The following PTPN22 variants were observed in gnomAD, a reference collection of about 807,000 sequenced individuals.
PTPN22 encodes the protein protein tyrosine phosphatase non-receptor type 22, also known as tyrosine-protein phosphatase non-receptor type 22.
PTPN22 carries 85 observed loss-of-function variants against 103.3 expected under a neutral mutation model. That is an observed-to-expected ratio of 0.82 (90% confidence interval 0.69 to 0.99). The LOEUF (loss-of-function observed/expected upper bound fraction) is 0.99. PTPN22 is among the 50% of genes least tolerant of loss of function. PTPN22 has a pLI of 0.00. For missense variants in PTPN22, 865 were observed against 936.9 expected (o/e 0.92, Z 1.00); for synonymous variants, 323 against 310.2 (o/e 1.04, Z -0.43).
chr1:113,860,370 C>T (rs540760030), intron 1 of PTPN22, among the ~76,000 whole-genome samples: 92 of 152,272 alleles, frequency 6.0e-4, no homozygotes, highest in Admixed American at 5.9e-3. Context: ...GTAAAAACAA[C>T]ATAGTGTACG....
At position 113,857,721 on chromosome 1, in the gene PTPN22, A is replaced by G. The variant is rs1665201778; in HGVS notation, c.408+17T>C. 6.2e-7 allele frequency: 1 copy of G among 1,607,508 alleles called. No individual in the cohort carries two copies. Among genetic ancestry groups the G allele is most frequent in the Non-Finnish European group, 8.5e-7 (1 of 1,174,900 alleles). ...TTCCTTTGTTTTAAGGTCAGCAGGT[A>G]CTAGAAAGTAACTTACCTTTCCCAT... On this transcript the variant is annotated intron_variant, in intron 5 of 20. Coordinates refer to ENST00000359785, the Ensembl canonical transcript of PTPN22.
intron 1 of PTPN22, among the ~76,000 whole-genome samples, chr1:113,860,776 G>C (rs1488421873): frequency 6.6e-6 from 1 of 152,180 alleles, no homozygotes; most frequent in Non-Finnish European, 1.5e-5. Context: ...TCAAGTCCCA[G>C]AACAGTTTCT....
At chr1:113,856,865 G>C in intron 5 of PTPN22, 1 of 470,020 alleles carries the variant, frequency 2.1e-6, no homozygotes. Context: ...CCTATTTTTA[G>C]TATTTCACAA....
intron 10 of PTPN22, among the ~76,000 whole-genome samples, chr1:113,849,760 T>A (rs1424241377): frequency 6.6e-6 from 1 of 152,044 alleles, no homozygotes; most frequent in Non-Finnish European, 1.5e-5. Flanking sequence ...TGATAATTTT[T>A]GTATTTTTTG....
chr1:113,840,143 G>A (rs12095396), intron 11 of PTPN22, among the ~76,000 whole-genome samples: 5 of 151,424 alleles, frequency 3.3e-5, no homozygotes, highest in East Asian at 1.9e-4. Flanking sequence ...CCCAGGAGGC[G>A]GAGGTTGAAG....
At chr1:113,832,935 G>T in intron 16 of PTPN22, 176 bp downstream of exon 16, 1 of 585,672 alleles carries the variant, frequency 1.7e-6, no homozygotes, top group South Asian at 1.8e-5. Context: ...CTAAAATCCT[G>T]TCTTCACCTT....
intron 18 of PTPN22, among the ~76,000 whole-genome samples, chr1:113,825,943 G>A (rs1338273900): frequency 6.6e-6 from 1 of 152,064 alleles, no homozygotes; most frequent in Non-Finnish European, 1.5e-5. Context: ...TCAAACTCCT[G>A]ACCTTGTGAC....
chr1:113,847,390 G>A (rs1374484594), intron 11 of PTPN22, among the ~76,000 whole-genome samples: 2 of 130,596 alleles, frequency 1.5e-5, no homozygotes. Flanking sequence ...TTTTTATCTT[G>A]GCTGCTTTAA....
chr1:113,847,720 A>G (rs1410474828), intron 11 of PTPN22, among the ~76,000 whole-genome samples: 1 of 151,824 alleles, frequency 6.6e-6, no homozygotes, highest in Non-Finnish European at 1.5e-5. Flanking sequence ...CTGGGATTAC[A>G]GGTGCGCATC....
chr1:113,834,015 C>G (rs1196308210), intron 15 of PTPN22, among the ~76,000 whole-genome samples: 3 of 152,188 alleles, frequency 2.0e-5, no homozygotes, highest in Non-Finnish European at 4.4e-5. Context: ...GGAGGCATCT[C>G]CTACACTTGA....
chr1:113,849,621 C>T (rs986570436), intron 10 of PTPN22, among the ~76,000 whole-genome samples: 2 of 150,122 alleles, frequency 1.3e-5, no homozygotes, highest in Non-Finnish European at 2.9e-5. Context: ...ACGGTCTCAC[C>T]GTGTTGCCCA....
chr1:113,837,462 GAAAA>G, intron 13 of PTPN22, 124 bp downstream of exon 13: 3 of 683,460 alleles, frequency 4.4e-6, no homozygotes, highest in Non-Finnish European at 4.6e-6. Flanking sequence ...AAAAAAAAAA[GAAAA>G]AAAAGAGAAA....
chr1:113,844,765 A>C (rs191903367), intron 11 of PTPN22, among the ~76,000 whole-genome samples: 15 of 152,128 alleles, frequency 9.9e-5, no homozygotes, highest in African/African-American at 3.6e-4. Context: ...TTGATTTCCA[A>C]GGATTTGGAT....
intron 1 of PTPN22, among the ~76,000 whole-genome samples, chr1:113,868,408 G>A (rs1666297633): frequency 6.6e-6 from 1 of 152,200 alleles, no homozygotes; most frequent in African/African-American, 2.4e-5. Context: ...AAGGGCTTAA[G>A]ATGGGACACA....
At chr1:113,846,992 A>ATTTTTTTTT (rs778146828) in intron 11 of PTPN22, among the ~76,000 whole-genome samples, 8 of 76,114 alleles carry the variant, frequency 1.1e-4, no homozygotes, top group Admixed American at 1.5e-4. Context: ...CCAATGCTAG[A>ATTTTTTTTT]TTTTTTTTTT....
At chr1:113,823,133 C>T (rs947074532) in intron 19 of PTPN22, 4 of 149,780 alleles carry the variant, frequency 2.7e-5, no homozygotes, top group Admixed American at 2.0e-4. Context: ...GTTGGAACCC[C>T]TCACCAAACT....
At chr1:113,868,070 TTTG>T (rs1386449847) in intron 1 of PTPN22, among the ~76,000 whole-genome samples, 6 of 152,238 alleles carry the variant, frequency 3.9e-5, no homozygotes, top group African/African-American at 1.2e-4. Flanking sequence ...TTTTTTATTT[TTTG>T]TTGTTGTGTT....
chr1:113,815,563 A>T (rs1292031377), intron 20 of PTPN22: 1 of 152,264 alleles, frequency 6.6e-6, no homozygotes, highest in Non-Finnish European at 1.5e-5. Context: ...TTTCACAACT[A>T]ATGAAGGCTA....
intron 1 of PTPN22, among the ~76,000 whole-genome samples, chr1:113,866,605 A>G (rs1392611691): frequency 6.6e-6 from 1 of 152,212 alleles, no homozygotes; most frequent in African/African-American, 2.4e-5. Context: ...AAAATCATAT[A>G]CATTTTAATC....
Sources: allele counts gnomAD v4.1 joint callset (sites outside exome capture counted in the v4.1 genomes callset), GRCh38; gene constraint gnomAD v4.1.1; transcripts MANE v1.5; gene names NCBI Gene and HGNC (gene_info 2026-07-23, HGNC 2026-07-21).